APP: variants seen among roughly 807,000 people sequenced by gnomAD.
APP encodes the protein amyloid-beta precursor protein.
In APP, 31 loss-of-function variants were observed where a neutral mutation model predicts 101.4. The observed-to-expected ratio is 0.31, with a 90% CI of 0.23 to 0.41. The LOEUF (loss-of-function observed/expected upper bound fraction) is 0.41, where lower values mean the gene tolerates loss of function less well. Among genes scored for constraint, APP ranks in the 10% least tolerant of loss-of-function variants. The pLI is 1.00. For missense variants in APP, 839 were observed against 1,003.7 expected, an observed-to-expected ratio of 0.84 and a Z score of 2.22; for synonymous variants, 366 against 364.4, an observed-to-expected ratio of 1.00 and a Z score of -0.05.
At position 25,975,111 on chromosome 21, in the gene APP, G is replaced by A; in HGVS notation, c.1417C>T (p.Leu473=). The change falls in exon 11 of 18, where the codon CTG becomes TTG. Residue 473 remains leucine, a synonymous_variant. Coordinates refer to ENST00000346798, the MANE Select transcript of APP (RefSeq NM_000484.4). The part of the protein sequence containing the change: ...AMLNDRRRLA[L]ENYITALQAV... The stretch of plus-strand genomic sequence containing the variant: ...TGCAGAGCGGTGATGTAGTTCTCCA[G>A]GGCCAGGCGGCGGCGGTCATTGAGC... 1 of 1,614,038 alleles carries A rather than the reference G, an allele frequency of 6.2e-7. No individual in the cohort carries two copies. Among genetic ancestry groups the A allele is most frequent in the Non-Finnish European group, 8.5e-7 (1 of 1,180,002 alleles).
At chr21:25,890,318 C>G (rs2037607705) in intron 17 of APP, among the ~76,000 whole-genome samples, 1 of 152,176 alleles carries the variant, frequency 6.6e-6, no homozygotes, top group Non-Finnish European at 1.5e-5. Flanking sequence ...AAATTTCTGG[C>G]TTCACCACAA....
At chr21:25,937,752 T>C (rs1249441107) in intron 13 of APP, 1 of 152,170 alleles carries the variant, frequency 6.6e-6, no homozygotes, top group Non-Finnish European at 1.5e-5. Context: ...CAAGCCCATC[T>C]TATGCTTATA....
intron 15 of APP, among the ~76,000 whole-genome samples, chr21:25,904,755 GAA>G (rs578096417): frequency 2.5e-4 from 35 of 138,278 alleles, no homozygotes; most frequent in African/African-American, 8.7e-4. Flanking sequence ...AAAGAAAAAA[GAA>G]AAAAAAAAAC....
intron 3 of APP, among the ~76,000 whole-genome samples, chr21:26,060,602 T>A (rs147038738): frequency 1.3e-5 from 2 of 152,138 alleles, no homozygotes; most frequent in African/African-American, 4.8e-5. Context: ...AAATGTTACA[T>A]AGATAAAGCA....
At chr21:26,105,376 T>C (rs1177676552) in intron 2 of APP, among the ~76,000 whole-genome samples, 1 of 152,174 alleles carries the variant, frequency 6.6e-6, no homozygotes, top group East Asian at 1.9e-4. Flanking sequence ...ACAGAGGAGA[T>C]GGTAAGATTA....
In APP at chr21:25,964,062, T is replaced by A. The variant is rs146703604; in HGVS notation, c.1459-8307A>T. 2.3e-3 allele frequency among the ~76,000 whole-genome samples: 354 copies of A among 152,344 alleles called. 2 individuals are homozygous for A. The highest frequency in any genetic ancestry group is 6.8e-3 in the Middle Eastern group (2 of 294). On this transcript the variant is annotated intron_variant, in intron 11 of 17. Transcript: ENST00000346798. ...ATTAGATGGAAGGATATTGAACAAC[T>A]AATCTCTATTAATCCACTTAGTTCA...
intron 1 of APP, among the ~76,000 whole-genome samples, chr21:26,148,525 G>A (rs1328470077): frequency 1.3e-5 from 2 of 152,230 alleles, no homozygotes; most frequent in East Asian, 1.9e-4. Flanking sequence ...CAAAATGTAT[G>A]TAGAATTACA....
At chr21:25,928,952 C>A (rs2040021881) in intron 13 of APP, 1 of 152,128 alleles carries the variant, frequency 6.6e-6, no homozygotes, top group Non-Finnish European at 1.5e-5. Flanking sequence ...GATCTTCTAA[C>A]CTTGTGATCC....
intron 3 of APP, among the ~76,000 whole-genome samples, chr21:26,075,179 T>C (rs765404533): frequency 3.9e-5 from 6 of 152,208 alleles, no homozygotes; most frequent in Non-Finnish European, 7.3e-5. Flanking sequence ...ATTCATTAAA[T>C]CTATATATTT....
At chr21:26,113,962 G>A (rs138859477) in intron 1 of APP, among the ~76,000 whole-genome samples, 14 of 152,306 alleles carry the variant, frequency 9.2e-5, no homozygotes, top group African/African-American at 3.1e-4. Flanking sequence ...GGCCCTGCCC[G>A]TAAGGAATGT....
rs572954372 is a variant in APP, at chr21:25,952,105, G to A, written c.1687+2485C>T. Among the ~76,000 whole-genome samples the A allele has an allele frequency of 2.6e-5, 4 of 151,842 alleles. No homozygotes were observed. In the East Asian group the frequency reaches 5.8e-4, roughly 22 times the overall value. On this transcript the variant is annotated intron_variant, in intron 13 of 17. Transcript: ENST00000346798. The stretch of plus-strand genomic sequence containing the variant: ...TTTAAAAAAGATTATCTTTCAGAAT[G>A]TGGCATCTGGTATATTTAGAATGAT...
At position 25,881,515 on chromosome 21, in the gene APP, G is replaced by A. The variant is rs113174916; in HGVS notation, c.*155C>T. The A allele has an allele frequency of 5.1e-6, 4 of 791,820 alleles. No homozygotes were observed. The highest frequency in any genetic ancestry group is 3.4e-5 in the African/African-American group (2 of 59,148). 49.0% of individuals were successfully genotyped at this position (791,820 alleles called of 1,614,324 possible). ...GATGTGTGGATTAATTCAAGTTCAG[G>A]CATCTACTTGTGTTACAGCACAGCT... On this transcript the variant is annotated 3_prime_UTR_variant, in exon 18 of 18. Transcript: ENST00000346798.
At chr21:25,966,754 T>C (rs1214380869) in intron 11 of APP, among the ~76,000 whole-genome samples, 1 of 152,212 alleles carries the variant, frequency 6.6e-6, no homozygotes, top group Admixed American at 6.5e-5. Context: ...CGGTATCATA[T>C]AAAAGCTCAA....
chr21:26,024,768 C>T lies in APP; in HGVS notation c.663-2726G>A, dbSNP rs181062716. Among the ~76,000 whole-genome samples the T allele has an allele frequency of 3.5e-3, 533 of 151,958 alleles. 2 individuals carry two copies. Among genetic ancestry groups the T allele is most frequent in the African/African-American group, 0.011 (448 of 41,292 alleles). On this transcript the variant is annotated intron_variant, in intron 5 of 17. Transcript: ENST00000346798. ...TAGGATACAAGAATAGTATAAAGGGCGTTTATAAAAGTTTCAAAAAAATGT... is the reference window on the plus strand; with the variant it reads ...TAGGATACAAGAATAGTATAAAGGGTGTTTATAAAAGTTTCAAAAAAATGT...
At chr21:25,982,881 G>A (rs2042489755) in intron 8 of APP, among the ~76,000 whole-genome samples, 1 of 152,168 alleles carries the variant, frequency 6.6e-6, no homozygotes, top group Non-Finnish European at 1.5e-5. Context: ...TAAGACTCCT[G>A]CAGAAACCAC....
At chr21:25,908,690 A>AC (rs927440624) in intron 14 of APP, among the ~76,000 whole-genome samples, 7 of 31,268 alleles carry the variant, frequency 2.2e-4, no homozygotes, top group African/African-American at 9.8e-4. Context: ...TCCTGGCTCC[A>AC]TTAAAAAAAA....
chr21:26,152,596 A>T (rs949258402), intron 1 of APP, among the ~76,000 whole-genome samples: 1 of 152,150 alleles, frequency 6.6e-6, no homozygotes, highest in African/African-American at 2.4e-5. Flanking sequence ...ATTTTTATAT[A>T]TTTTTAAATA....
chr21:26,017,940 C>T (rs1309718070), intron 6 of APP, among the ~76,000 whole-genome samples: 1 of 151,968 alleles, frequency 6.6e-6, no homozygotes, highest in Non-Finnish European at 1.5e-5. Context: ...CAATCGTGTG[C>T]TCACTTTTAT....
At chr21:26,129,434 A>T (rs1218911305) in intron 1 of APP, among the ~76,000 whole-genome samples, 1 of 151,854 alleles carries the variant, frequency 6.6e-6, no homozygotes, top group Non-Finnish European at 1.5e-5. Flanking sequence ...CACACCATGT[A>T]TTCCAGCCTG....
Sources: gnomAD v4.1 joint callset for allele counts (sites outside exome capture counted in the v4.1 genomes callset) on GRCh38, gnomAD v4.1.1 for gene constraint, MANE v1.5 for transcripts, NCBI Gene and HGNC (gene_info 2026-07-23, HGNC 2026-07-21) for gene names.